Variants in RAB40B observed in about 807,000 individuals in gnomAD.
RAB40B encodes the protein RAB40B, member RAS oncogene family.
RAB40B carries 21 observed loss-of-function variants against 24.0 expected under a neutral mutation model. The ratio of observed to expected loss-of-function variants is 0.88; its 90% CI spans 0.62 to 1.26. The LOEUF is 1.26. Among genes scored for constraint, RAB40B ranks in the 50% most tolerant of loss-of-function variants. The pLI is 0.00. For synonymous variants in RAB40B, 167 were observed against 169.8 expected (o/e 0.98, Z 0.13); for missense variants, 348 against 390.5 (o/e 0.89, Z 0.92).
intron 3 of RAB40B, among the ~76,000 whole-genome samples, chr17:82,660,149 AGACG>A (rs2046145963): frequency 6.6e-6 from 1 of 151,690 alleles, no homozygotes; most frequent in Non-Finnish European, 1.5e-5. Context: ...ACTCATGCAC[AGACG>A]CACACAGTGC....
At chr17:82,660,352 TACAC>T (rs147057391) in intron 3 of RAB40B, among the ~76,000 whole-genome samples, 209 of 148,332 alleles carry the variant, frequency 1.4e-3, no homozygotes, top group East Asian at 6.6e-3. Context: ...CACGCACGTG[TACAC>T]ACACACACGC....
Position 82,657,273 on chromosome 17 carries a change from C to T in RAB40B, c.*590G>A, listed in dbSNP as rs189489649. ...TCTTGTACAAAAAACTGTAGATTTA[C>T]AGAAAAATATGCATATAAATCACTT... On this transcript the variant is annotated 3_prime_UTR_variant, in exon 6 of 6. Transcript: ENST00000571995. 116 of 175,702 alleles carry T rather than the reference C, an allele frequency of 6.6e-4. 1 individual carries two copies. Among genetic ancestry groups the T allele is most frequent in the Admixed American group, 4.9e-3 (86 of 17,660 alleles). The allele number at this position is 175,702 out of a possible 1,614,324, so 10.9% of individuals were successfully genotyped here. A position where few individuals can be genotyped will look rare whatever the true frequency, so the allele number is the denominator to read the frequency against.
At chr17:82,683,587 T>TGAGGATCTCTC (rs2046465839) in intron 1 of RAB40B, among the ~76,000 whole-genome samples, 1 of 151,898 alleles carries the variant, frequency 6.6e-6, no homozygotes, top group Non-Finnish European at 1.5e-5. Flanking sequence ...CAGGATCTCT[T>TGAGGATCTCTC]GAGGATCTCT....
intron 1 of RAB40B, among the ~76,000 whole-genome samples, chr17:82,682,136 CACAGGCACGCATGCACACACACACAT>C (rs2046454558): frequency 6.6e-6 from 1 of 151,732 alleles, no homozygotes; most frequent in Non-Finnish European, 1.5e-5. Context: ...CACACACACA[CACAGGCACGCATGCACACACACACAT>C]ACACCTCTCC....
intron 1 of RAB40B, among the ~76,000 whole-genome samples, chr17:82,690,420 G>T (rs935211668): frequency 2.2e-5 from 3 of 133,758 alleles, no homozygotes; most frequent in Non-Finnish European, 4.6e-5. Context: ...TCAGGGAGCA[G>T]AGAGTGTGCA....
chr17:82,683,413 G>A (rs1301482418), intron 1 of RAB40B, among the ~76,000 whole-genome samples: 1 of 152,132 alleles, frequency 6.6e-6, no homozygotes, highest in Non-Finnish European at 1.5e-5. Context: ...ACACATTTCT[G>A]GGTAAAGACT....
In RAB40B at chr17:82,697,756, G is replaced by C. The variant is rs1004463956; in HGVS notation, c.142+699C>G. 6.6e-5 allele frequency among the ~76,000 whole-genome samples: 10 copies of C among 152,230 alleles called. No individual in the cohort carries two copies. Among genetic ancestry groups the C allele is most frequent in the Non-Finnish European group, 1.3e-4 (9 of 67,992 alleles). On this transcript the variant is annotated intron_variant, in intron 1 of 5. Transcript: ENST00000571995. This position sits in a 1 kb window ranked among gnomAD's most constrained non-coding sequence, Gnocchi z 4.9. ...GCGCCGGCTTTCAAGCCTCAAACTTGGGGGATCCCCGGGCTGCCTGCCTGG... is the reference window on the plus strand; with the variant it reads ...GCGCCGGCTTTCAAGCCTCAAACTTCGGGGATCCCCGGGCTGCCTGCCTGG...
At chr17:82,680,022 G>A (rs1216660472) in intron 1 of RAB40B, among the ~76,000 whole-genome samples, 1 of 152,372 alleles carries the variant, frequency 6.6e-6, no homozygotes, top group South Asian at 2.1e-4. Flanking sequence ...TCAGAGTGGT[G>A]GATTCCCTGA....
intron 2 of RAB40B, 46 bp downstream of exon 2, chr17:82,664,450 G>A: frequency 6.3e-7 from 1 of 1,586,980 alleles, no homozygotes; most frequent in Admixed American, 1.7e-5. Context: ...AGCCAGGGGG[G>A]TTACTCCCTG....
intron 1 of RAB40B, among the ~76,000 whole-genome samples, chr17:82,672,495 C>G (rs1392696493): frequency 3.3e-5 from 5 of 152,232 alleles, no homozygotes; most frequent in African/African-American, 1.2e-4. Flanking sequence ...TTGAATGTGT[C>G]CGCTAAACTT....
In RAB40B at chr17:82,655,846, C is replaced by T. The variant is rs1056714111; in HGVS notation, c.*2017G>A. 4 of 152,274 alleles carry T rather than the reference C, an allele frequency of 2.6e-5. No homozygotes were observed. The highest frequency in any genetic ancestry group is 4.8e-5 in the African/African-American group (2 of 41,438). The allele number at this position is 152,274 out of a possible 1,614,324, so 9.4% of individuals were successfully genotyped here. ...CCCAGGTGGCCAGACACCCCCAAGC[C>T]TGGGTCCACCCGCAGGGACCAGTGC... On this transcript the variant is annotated 3_prime_UTR_variant, in exon 6 of 6. Transcript: ENST00000571995.
rs778583935 is a variant in RAB40B at position 82,659,650 on chromosome 17, A to G, written c.272T>C (p.Ile91Thr). Reference protein sequence around the residue: ...RSYSRGAQGVILVYDIANRWS... With the variant: ...RSYSRGAQGVTLVYDIANRWS... ...GCGGTTCGCAATGTCATAGACCAGG[A>G]TCACACCCTGGGGGAGAGGTCACAG... Residue 91 changes from isoleucine to threonine, a missense_variant, in exon 4 of 6, where the codon ATC becomes ACC. Ile to Thr is a moderately conservative substitution (Grantham distance 89). Around this residue, in one of 3 missense-constraint regions of RAB40B, gnomAD observed 126 missense variants for 181.0 expected, o/e 0.70. Transcript: ENST00000571995. 2.5e-6 allele frequency: 4 copies of G among 1,613,956 alleles called. No individual in the cohort carries two copies. The African/African-American group carries it at 5.3e-5, about 22-fold the overall frequency.
intron 1 of RAB40B, chr17:82,664,858 G>T (rs531333773): frequency 3.5e-5 from 10 of 289,112 alleles, no homozygotes; most frequent in South Asian, 4.9e-5. Context: ...GAGGCCGGTG[G>T]GTTTGCCGCG....
rs947821011 is a variant in RAB40B at position 82,679,365 on chromosome 17, T to A, written c.143-14809A>T. 1.7e-4 allele frequency among the ~76,000 whole-genome samples: 26 copies of A among 151,684 alleles called. 1 individual carries two copies. The highest frequency in any genetic ancestry group is 1.6e-3 in the Admixed American group (25 of 15,216). On this transcript the variant is annotated intron_variant, in intron 1 of 5. Transcript: ENST00000571995. ...GGCGCAATCTCGGCTCACTGCAAGC[T>A]CCGCCTCCTGGGTTCACGCCATTCT...
At chr17:82,685,646 C>T (rs1184015313) in intron 1 of RAB40B, among the ~76,000 whole-genome samples, 1 of 152,214 alleles carries the variant, frequency 6.6e-6, no homozygotes, top group African/African-American at 2.4e-5. Flanking sequence ...AGGGGACCCA[C>T]AGGGTCCCTG....
chr17:82,678,879 G>A (rs1227027821), intron 1 of RAB40B, among the ~76,000 whole-genome samples: 1 of 99,164 alleles, frequency 1.0e-5, no homozygotes, highest in Non-Finnish European at 1.9e-5. Flanking sequence ...CCCTTTCTGC[G>A]TTTTTTTTTT....
chr17:82,665,707 A>C (rs1431967786), intron 1 of RAB40B, among the ~76,000 whole-genome samples: 2 of 152,100 alleles, frequency 1.3e-5, no homozygotes, highest in Admixed American at 1.3e-4. Context: ...TCTCTACTAA[A>C]AATTCAAAAA....
chr17:82,693,218 G>T (rs899269940), intron 1 of RAB40B, among the ~76,000 whole-genome samples: 4 of 152,052 alleles, frequency 2.6e-5, no homozygotes, highest in Non-Finnish European at 4.4e-5. Flanking sequence ...AGTTAGCCAG[G>T]CTGGTCTCGA....
chr17:82,694,991 A>G (rs1182293407), intron 1 of RAB40B, among the ~76,000 whole-genome samples: 2 of 151,786 alleles, frequency 1.3e-5, no homozygotes, highest in African/African-American at 4.9e-5. Flanking sequence ...TAAATGGTAA[A>G]AGGACTTTGG....
Sources: gnomAD v4.1 joint callset for allele counts (sites outside exome capture counted in the v4.1 genomes callset) on GRCh38, gnomAD v4.1.1 for gene constraint, gnomAD v4.1.1 regional missense constraint, Gnocchi (gnomAD v3.1) non-coding constraint, MANE v1.5 for transcripts, NCBI Gene and HGNC (gene_info 2026-07-23, HGNC 2026-07-21) for gene names.